The following NEURL1B variants were observed in gnomAD, a reference collection of about 807,000 sequenced individuals.
The protein encoded by NEURL1B is neuralized E3 ubiquitin protein ligase 1B.
Under a neutral mutation model 37.4 loss-of-function variants are expected in NEURL1B, and 13 were observed. That is an observed-to-expected ratio of 0.35 (90% CI 0.23 to 0.55). The LOEUF (loss-of-function observed/expected upper bound fraction) is 0.55. Ranked by LOEUF, NEURL1B falls within the 20% of genes least tolerant of loss-of-function variation. NEURL1B has a pLI of 0.89. For synonymous variants in NEURL1B, 432 were observed against 426.6 expected, an observed-to-expected ratio of 1.01 and a Z score of -0.16; for missense variants, 790 against 879.2, an observed-to-expected ratio of 0.90 and a Z score of 1.28.
rs1355132347 is a variant in NEURL1B at position 172,686,718 on chromosome 5, C to T, written c.1461C>T (p.Ser487=). The T allele has an allele frequency of 1.9e-6, 3 of 1,551,172 alleles. No individual in the cohort carries two copies. The highest frequency in any genetic ancestry group is 1.4e-5 in the African/African-American group (1 of 73,178). ...APSSPLSPPV[S]PVFSPPEPAG... ...GCTCCCCGCTGAGCCCCCCGGTGTC[C>T]CCCGTGTTCTCCCCACCGGAGCCGG... is the stretch of plus-strand genomic sequence containing the variant. Residue 487 remains serine (S), a synonymous_variant, in exon 5 of 5, where the codon TCC becomes TCT. Coordinates refer to ENST00000369800, the MANE Select transcript of NEURL1B (RefSeq NM_001142651.3). The surrounding 1 kb of genome is among the most constrained non-coding windows in gnomAD (Gnocchi z 7.9).
chr5:172,686,800 A>G lies in NEURL1B; in HGVS notation c.1543A>G (p.Ile515Val), dbSNP rs565862357. 2 of 1,552,062 alleles carry G rather than the reference A, an allele frequency of 1.3e-6. No homozygotes were observed. The highest frequency in any genetic ancestry group is 3.9e-5 in the Admixed American group (2 of 51,066). ...VCFDGEVDTVIYTCGHMCLCH... is the reference protein window; with the variant it reads ...VCFDGEVDTVVYTCGHMCLCH... ...CTTCGATGGCGAGGTGGACACGGTC[A>G]TCTACACGTGTGGACACATGTGCCT... The change falls in exon 5 of 5, where the codon ATC becomes GTC. Residue 515 changes from isoleucine to valine, a missense_variant. Coordinates refer to ENST00000369800, the MANE Select transcript of NEURL1B (RefSeq NM_001142651.3). The surrounding 1 kb of genome is among the most constrained non-coding windows in gnomAD (Gnocchi z 7.9).
At position 172,665,027 on chromosome 5, in the gene NEURL1B, G is replaced by A. The variant is rs767771275; in HGVS notation, c.32-4758G>A. Among the ~76,000 whole-genome samples the A allele has an allele frequency of 1.3e-5, 2 of 152,166 alleles. No individual in the cohort carries two copies. The highest frequency in any genetic ancestry group is 2.9e-5 in the Non-Finnish European group (2 of 68,030). ...CCAGTATTCATTTAAATTGCAGGCC[G>A]CTCTTAAAGAACATCTCTTGGGATT... On this transcript the variant is annotated intron_variant, in intron 1 of 4. Transcript: ENST00000369800. This position sits in a 1 kb window ranked among gnomAD's most constrained non-coding sequence, Gnocchi z 4.1.
Position 172,686,413 on chromosome 5 carries a change from C to T in NEURL1B, c.1423+117C>T. ...TGGCCGCCTTTCCCCCGCATCCTCT[C>T]CTTCCCTCAGCTGTATGCTCAGCTG... On this transcript the variant is annotated intron_variant, in intron 4 of 4. Coordinates refer to ENST00000369800, the MANE Select transcript of NEURL1B (RefSeq NM_001142651.3). This position sits in a 1 kb window ranked among gnomAD's most constrained non-coding sequence, Gnocchi z 7.9. The T allele has an allele frequency of 8.9e-7, 1 of 1,128,822 alleles. No individual in the cohort carries two copies. 69.9% of individuals were successfully genotyped at this position (1,128,822 alleles called of 1,614,324 possible).
intron 2 of NEURL1B, among the ~76,000 whole-genome samples, chr5:172,679,988 G>A (rs1758317597): frequency 6.6e-6 from 1 of 152,118 alleles, no homozygotes; most frequent in African/African-American, 2.4e-5. Flanking sequence ...CCAGTTTTCT[G>A]TAAGATGGCT....
chr5:172,669,424 G>A (rs1561647713), intron 1 of NEURL1B, among the ~76,000 whole-genome samples: 1 of 152,154 alleles, frequency 6.6e-6, no homozygotes, highest in Non-Finnish European at 1.5e-5. Flanking sequence ...AGGTGGCCCC[G>A]CGAGGTCCTT....
intron 1 of NEURL1B, among the ~76,000 whole-genome samples, chr5:172,646,817 C>G (rs1757570215): frequency 6.6e-6 from 1 of 151,556 alleles, no homozygotes; most frequent in Non-Finnish European, 1.5e-5. Context: ...GTGAGAAAGG[C>G]TGTTCAGGGC....
At position 172,686,546 on chromosome 5, in the gene NEURL1B, T is replaced by G. The variant is rs576524805; in HGVS notation, c.1424-135T>G. On this transcript the variant is annotated intron_variant, in intron 4 of 4. Coordinates refer to ENST00000369800, the MANE Select transcript of NEURL1B (RefSeq NM_001142651.3). This position sits in a 1 kb window ranked among gnomAD's most constrained non-coding sequence, Gnocchi z 7.9. ...AGAGAAAGGTGCAAAACCTGCAAGG[T>G]AAACTCAAATTAGTATCTCCCAAAA... is the stretch of plus-strand genomic sequence containing the variant. The G allele has an allele frequency of 8.2e-6, 9 of 1,101,580 alleles. No individual in the cohort carries two copies. In the East Asian group the frequency reaches 2.1e-4, roughly 26 times the overall value. The allele number at this position is 1,101,580 out of a possible 1,614,324, so 68.2% of individuals were successfully genotyped here. A position where few individuals can be genotyped will look rare whatever the true frequency, so the allele number is the denominator to read the frequency against.
Position 172,661,806 on chromosome 5 carries a change from C to G in NEURL1B, c.32-7979C>G, listed in dbSNP as rs1345618093. 6.6e-6 allele frequency among the ~76,000 whole-genome samples: 1 copy of G among 150,784 alleles called. No individual in the cohort carries two copies. Among genetic ancestry groups the G allele is most frequent in the East Asian group, 1.9e-4 (1 of 5,196 alleles). Reference sequence around the variant, plus strand: ...CTGCCATCCTCCTGACGGTAACTGCCATTTCCTTGGGCTCTTTTTAGATCA... The same window carrying G: ...CTGCCATCCTCCTGACGGTAACTGCGATTTCCTTGGGCTCTTTTTAGATCA... On this transcript the variant is annotated intron_variant, in intron 1 of 4. Coordinates refer to ENST00000369800, the MANE Select transcript of NEURL1B (RefSeq NM_001142651.3). This position sits in a 1 kb window ranked among gnomAD's most constrained non-coding sequence, Gnocchi z 4.0.
intron 2 of NEURL1B, among the ~76,000 whole-genome samples, chr5:172,679,568 G>A (rs906714605): frequency 6.6e-6 from 1 of 152,234 alleles, no homozygotes; most frequent in African/African-American, 2.4e-5. Context: ...GCGCTGTGCT[G>A]TCTTGGGCCT....
Position 172,687,575 on chromosome 5 carries a change from G to A in NEURL1B, c.*650G>A, listed in dbSNP as rs1287347646. On this transcript the variant is annotated 3_prime_UTR_variant, in exon 5 of 5. Transcript: ENST00000369800. ...ACTCCTTGAGGGGAAGGTGGGTGAAGAACAATTCACTTCTTCATTTCTTAC... is the reference window on the plus strand; with the variant it reads ...ACTCCTTGAGGGGAAGGTGGGTGAAAAACAATTCACTTCTTCATTTCTTAC... The A allele has an allele frequency of 2.0e-5, 3 of 152,740 alleles. No homozygotes were observed. Among genetic ancestry groups the A allele is most frequent in the African/African-American group, 7.2e-5 (3 of 41,524 alleles). 9.5% of individuals were successfully genotyped at this position (152,740 alleles called of 1,614,324 possible). A position where few individuals can be genotyped will look rare whatever the true frequency, so the allele number is the denominator to read the frequency against.
At chr5:172,664,491 G>T (rs1372164559) in intron 1 of NEURL1B, among the ~76,000 whole-genome samples, 1 of 152,124 alleles carries the variant, frequency 6.6e-6, no homozygotes, top group Non-Finnish European at 1.5e-5. Flanking sequence ...CAGCGGGTGG[G>T]GGGGACGGGT....
chr5:172,667,590 C>T (rs1325920873), intron 1 of NEURL1B, among the ~76,000 whole-genome samples: 1 of 152,154 alleles, frequency 6.6e-6, no homozygotes, highest in African/African-American at 2.4e-5. Flanking sequence ...CTACTACCTT[C>T]AAGACATATC....
At chr5:172,679,261 C>T (rs1022146059) in intron 2 of NEURL1B, among the ~76,000 whole-genome samples, 2 of 152,266 alleles carry the variant, frequency 1.3e-5, no homozygotes, top group African/African-American at 4.8e-5. Flanking sequence ...TTCAGTAACT[C>T]ACTCCACCTC....
At chr5:172,643,730 G>T (rs1054711344) in intron 1 of NEURL1B, among the ~76,000 whole-genome samples, 3 of 152,168 alleles carry the variant, frequency 2.0e-5, no homozygotes, top group African/African-American at 7.2e-5. Flanking sequence ...GTCTTGCCCT[G>T]TAGAATCCTT....
chr5:172,669,937 C>T lies in NEURL1B; in HGVS notation c.184C>T (p.Arg62Cys). 6.9e-7 allele frequency: 1 copy of T among 1,458,740 alleles called. No homozygotes were observed. The highest frequency in any genetic ancestry group is 2.7e-5 in the Admixed American group (1 of 36,798). The allele number at this position is 1,458,740 out of a possible 1,614,324, so 90.4% of individuals were successfully genotyped here. ...LDGHSRRATR[R>C]NSFCNGVTFT... Reference sequence around the variant, plus strand: ...CGGCCACTCGCGCCGGGCCACACGGCGCAACAGCTTCTGCAATGGCGTCAC... The same window carrying T: ...CGGCCACTCGCGCCGGGCCACACGGTGCAACAGCTTCTGCAATGGCGTCAC... Residue 62 changes from arginine (R) to cysteine (C), a missense_variant, in exon 2 of 5, where the codon CGC becomes TGC. Physicochemically the swap from Arg to Cys is radical, Grantham distance 180. Coordinates refer to ENST00000369800, the MANE Select transcript of NEURL1B (RefSeq NM_001142651.3).
At chr5:172,680,022 T>A (rs1758318203) in intron 2 of NEURL1B, among the ~76,000 whole-genome samples, 1 of 152,142 alleles carries the variant, frequency 6.6e-6, no homozygotes, top group Admixed American at 6.5e-5. Flanking sequence ...ATCTCCCACT[T>A]GAAAGGGAAT....
rs1051513797 is a variant in NEURL1B at position 172,676,603 on chromosome 5, G to A, written c.577+6273G>A. ...TCCCTCCAAAGAAAAGCTGGGTGCT[G>A]TTACCAGGAGAAGGGGAGTGGATGC... On this transcript the variant is annotated intron_variant, in intron 2 of 4. Coordinates refer to ENST00000369800, the MANE Select transcript of NEURL1B (RefSeq NM_001142651.3). This position sits in a 1 kb window ranked among gnomAD's most constrained non-coding sequence, Gnocchi z 4.5. Among the ~76,000 whole-genome samples, 1 of 152,226 alleles carries A rather than the reference G, an allele frequency of 6.6e-6. No individual in the cohort carries two copies. Among genetic ancestry groups the A allele is most frequent in the Admixed American group, 6.5e-5 (1 of 15,290 alleles).
In NEURL1B at chr5:172,670,082, G is replaced by A; in HGVS notation, c.329G>A (p.Ser110Asn). 1 of 1,525,288 alleles carries A rather than the reference G, an allele frequency of 6.6e-7. No homozygotes were observed. The highest frequency in any genetic ancestry group is 8.8e-7 in the Non-Finnish European group (1 of 1,141,986). The allele number at this position is 1,525,288 out of a possible 1,614,324, so 94.5% of individuals were successfully genotyped here. A position where few individuals can be genotyped will look rare whatever the true frequency, so the allele number is the denominator to read the frequency against. ...GFTAHDPSLM[S>N]AQDIPKYACP... ...ACCGCGCACGATCCGTCGCTCATGAGCGCCCAGGACATCCCCAAGTACGCC... is the reference window on the plus strand; with the variant it reads ...ACCGCGCACGATCCGTCGCTCATGAACGCCCAGGACATCCCCAAGTACGCC... Residue 110 changes from serine to asparagine, a missense_variant, in exon 2 of 5, where the codon AGC (serine) becomes AAC (asparagine). Ser to Asn is a conservative substitution (Grantham distance 46). Transcript: ENST00000369800.
intron 1 of NEURL1B, among the ~76,000 whole-genome samples, chr5:172,644,599 C>T (rs1757528067): frequency 6.6e-6 from 1 of 152,154 alleles, no homozygotes; most frequent in Non-Finnish European, 1.5e-5. Flanking sequence ...CAGGACCTCA[C>T]ATCTACTAAG....
Sources: allele counts gnomAD v4.1 joint callset (sites outside exome capture counted in the v4.1 genomes callset), GRCh38; gene constraint gnomAD v4.1.1; non-coding constraint Gnocchi (gnomAD v3.1); transcripts MANE v1.5; gene names NCBI Gene and HGNC (gene_info 2026-07-23, HGNC 2026-07-21).